RUVBL1: variants seen among roughly 807,000 people sequenced by gnomAD.
RUVBL1 encodes RuvB like AAA ATPase 1, also known as ruvB-like 1.
RUVBL1 carries 4 observed loss-of-function variants against 52.4 expected under a neutral mutation model. That is an observed-to-expected ratio of 0.08 (90% CI 0.04 to 0.17). The LOEUF is 0.17. Ranked by LOEUF, RUVBL1 falls within the 10% of genes least tolerant of loss-of-function variation. RUVBL1 has a pLI of 1.00. For synonymous variants in RUVBL1, 217 were observed against 214.4 expected, an observed-to-expected ratio of 1.01 and a Z score of -0.10; for missense variants, 298 against 572.8, an observed-to-expected ratio of 0.52 and a Z score of 4.90.
At chr3:128,101,710 AAGGTACCTTTCCGTAAGGGATCTG>A in intron 4 of RUVBL1, 62 bp from the exon 5 acceptor site, 1 of 1,547,676 alleles carries the variant, frequency 6.5e-7, no homozygotes, top group Non-Finnish European at 8.9e-7. Context: ...GACACCATGT[AAGGTACCTTTCCGTAAGGGATCTG>A]AGGTAGCTAG....
chr3:128,109,228 A>T (rs945749343), intron 3 of RUVBL1, among the ~76,000 whole-genome samples: 1 of 152,098 alleles, frequency 6.6e-6, no homozygotes, highest in Non-Finnish European at 1.5e-5. Flanking sequence ...ATCCTTCTCT[A>T]TAAGTTTGTA....
intron 1 of RUVBL1, among the ~76,000 whole-genome samples, chr3:128,134,623 C>CAA (rs202207381): frequency 5.6e-5 from 8 of 142,208 alleles, no homozygotes; most frequent in African/African-American, 2.1e-4. Context: ...CCCATCTCTA[C>CAA]AAAAAATAAA....
chr3:128,131,957 C>T (rs917467326), intron 1 of RUVBL1, among the ~76,000 whole-genome samples: 2 of 152,114 alleles, frequency 1.3e-5, no homozygotes, highest in Non-Finnish European at 2.9e-5. Flanking sequence ...AGTCACAGTC[C>T]CTGGTTTTAA....
rs1425539176 is a variant in RUVBL1 at position 128,066,987 on chromosome 3, C to T, written c.940-1767G>A. ...AGTGGACCTGCCAATCAAGTCGGCCCGCTACCGTGGCCAGTACAACACCTA... is the reference window on the plus strand; with the variant it reads ...AGTGGACCTGCCAATCAAGTCGGCCTGCTACCGTGGCCAGTACAACACCTA... On this transcript the variant is annotated intron_variant, in intron 9 of 9. Coordinates refer to the RUVBL1 transcript ENST00000464873. 2 of 1,614,162 alleles carry T rather than the reference C, an allele frequency of 1.2e-6. No individual in the cohort carries two copies. Among genetic ancestry groups the T allele is most frequent in the Non-Finnish European group, 1.7e-6 (2 of 1,180,024 alleles).
At chr3:128,111,489 T>C (rs1329193260) in intron 3 of RUVBL1, among the ~76,000 whole-genome samples, 1 of 152,058 alleles carries the variant, frequency 6.6e-6, no homozygotes, top group Admixed American at 6.6e-5. Flanking sequence ...CTTTAGGAAA[T>C]CCTGTCAGCG....
chr3:128,107,860 T>A (rs1330290107), intron 3 of RUVBL1, among the ~76,000 whole-genome samples: 1 of 152,212 alleles, frequency 6.6e-6, no homozygotes, highest in Non-Finnish European at 1.5e-5. Flanking sequence ...AGCGATAAAT[T>A]CCTTCAAATG....
chr3:128,130,129 C>G (rs1042226148), intron 1 of RUVBL1, among the ~76,000 whole-genome samples: 1 of 151,826 alleles, frequency 6.6e-6, no homozygotes, highest in Non-Finnish European at 1.5e-5. Flanking sequence ...AAAAGAATAA[C>G]AAAATTGACA....
intron 1 of RUVBL1, among the ~76,000 whole-genome samples, chr3:128,148,013 T>C (rs1944129164): frequency 2.0e-5 from 3 of 152,234 alleles, no homozygotes; most frequent in Admixed American, 6.5e-5. Context: ...ACCTACTGTT[T>C]GCTTCCACTT....
At position 128,115,726 on chromosome 3, in the gene RUVBL1, T is replaced by C. The variant is rs188872585; in HGVS notation, c.229-2706A>G. On this transcript the variant is annotated intron_variant, in intron 2 of 10. Coordinates refer to ENST00000322623, the MANE Select transcript of RUVBL1 (RefSeq NM_003707.3). ...TCTCCTCTTACAAAACACCTAGAAT[T>C]GAATAAATAATAACATTCAGAGCAG... 4.6e-5 allele frequency among the ~76,000 whole-genome samples: 7 copies of C among 152,246 alleles called. No homozygotes were observed. In the East Asian group the frequency reaches 1.3e-3, roughly 29 times the overall value.
rs769136910 is a variant in RUVBL1, at chr3:128,123,595, T to G, written c.130A>C (p.Asn44His). 6.2e-7 allele frequency: 1 copy of G among 1,605,714 alleles called. No individual in the cohort carries two copies. The highest frequency in any genetic ancestry group is 8.5e-7 in the Non-Finnish European group (1 of 1,175,684). Residue 44 changes from asparagine to histidine, a missense_variant, in exon 1 of 11, where the codon AAC (asparagine) becomes CAC (histidine). By Grantham distance (68) the Asn-to-His change is moderately conservative. Coordinates refer to ENST00000322623, the MANE Select transcript of RUVBL1 (RefSeq NM_003707.3). ...QAASGLVGQE[N>H]AREACGVIVE... ...TCCACTGGCCACACCTCTCGCGCGTTCTCCTGGCCCACAAGCCCTGAGGCC... is the reference window on the plus strand; with the variant it reads ...TCCACTGGCCACACCTCTCGCGCGTGCTCCTGGCCCACAAGCCCTGAGGCC...
chr3:128,067,826 G>C lies in RUVBL1; in HGVS notation c.940-2606C>G. On this transcript the variant is annotated intron_variant, in intron 9 of 9. Transcript: ENST00000464873. The surrounding 1 kb of genome is among the most constrained non-coding windows in gnomAD (Gnocchi z 4.1). ...AATCTGAATCCACACTGTAAAGTTA[G>C]ACTTTTTCATATGACTTCCTTGCGG... The C allele has an allele frequency of 5.6e-6, 4 of 719,838 alleles. No homozygotes were observed. Among genetic ancestry groups the C allele is most frequent in the Non-Finnish European group, 9.6e-6 (4 of 418,008 alleles). The allele number at this position is 719,838 out of a possible 1,614,324, so 44.6% of individuals were successfully genotyped here.
At chr3:128,136,862 C>T (rs1174988610) in intron 1 of RUVBL1, among the ~76,000 whole-genome samples, 1 of 152,036 alleles carries the variant, frequency 6.6e-6, no homozygotes, top group Non-Finnish European at 1.5e-5. Flanking sequence ...GAGGATATAA[C>T]AATTGTAAAT....
At chr3:128,139,712 C>A (rs1943991868) in intron 1 of RUVBL1, among the ~76,000 whole-genome samples, 1 of 152,160 alleles carries the variant, frequency 6.6e-6, no homozygotes, top group Admixed American at 6.5e-5. Flanking sequence ...GAGATCCTGT[C>A]ACTTGCAACA....
At chr3:128,072,716 G>A (rs1007914287) in intron 9 of RUVBL1, among the ~76,000 whole-genome samples, 2 of 152,182 alleles carry the variant, frequency 1.3e-5, no homozygotes, top group African/African-American at 4.8e-5. Context: ...GTATAAATAT[G>A]TTAGAAAACC....
intron 4 of RUVBL1, among the ~76,000 whole-genome samples, chr3:128,102,985 G>T (rs1300310941): frequency 6.6e-6 from 1 of 152,204 alleles, no homozygotes; most frequent in African/African-American, 2.4e-5. Flanking sequence ...GGTAAGGCCT[G>T]GCAGGAAGGG....
intron 9 of RUVBL1, chr3:128,069,734 T>A: frequency 7.7e-7 from 1 of 1,292,638 alleles, no homozygotes; most frequent in South Asian, 1.2e-5. Flanking sequence ...TCATGGCGCG[T>A]GCTGCTGCGG....
rs1943002493 is a variant in RUVBL1 at position 128,097,227 on chromosome 3, G to C, written c.1016+73C>G. ...TCCCTGTCCCACCTCATGGGGTTTG[G>C]AGAGATCCTGAGGAACAAATGAGCC... On this transcript the variant is annotated intron_variant, in intron 8 of 10. Transcript: ENST00000322623. 2.8e-6 allele frequency: 4 copies of C among 1,417,994 alleles called. No homozygotes were observed. In the East Asian group the frequency reaches 9.6e-5, roughly 34 times the overall value. 87.8% of individuals were successfully genotyped at this position (1,417,994 alleles called of 1,614,324 possible).
intron 1 of RUVBL1, among the ~76,000 whole-genome samples, chr3:128,132,367 AGTGAACGTGGGGTGCAT>A (rs1344816837): frequency 6.6e-6 from 1 of 152,230 alleles, no homozygotes; most frequent in Non-Finnish European, 1.5e-5. Flanking sequence ...GCTTGGAGCC[AGTGAACGTGGGGTGCAT>A]GTGACCTAGC....
At chr3:128,119,304 T>C in intron 2 of RUVBL1, 24 bp downstream of exon 2, 1 of 1,596,758 alleles carries the variant, frequency 6.3e-7, no homozygotes, top group Non-Finnish European at 8.6e-7. Flanking sequence ...TGGGTAGATT[T>C]AAAAAATGAG....
Sources: gnomAD v4.1 joint callset for allele counts (sites outside exome capture counted in the v4.1 genomes callset) on GRCh38, gnomAD v4.1.1 for gene constraint, Gnocchi (gnomAD v3.1) non-coding constraint, MANE v1.5 for transcripts, NCBI Gene and HGNC (gene_info 2026-07-23, HGNC 2026-07-21) for gene names.